The following STRN3 variants were observed in gnomAD, a reference collection of about 807,000 sequenced individuals.
STRN3 encodes the protein striatin-3.
In STRN3, 29 loss-of-function variants were observed where a neutral mutation model predicts 95.6. The ratio of observed to expected loss-of-function variants is 0.30; its 90% CI spans 0.23 to 0.41. The LOEUF is 0.41. Ranked by LOEUF, STRN3 falls within the 10% of genes least tolerant of loss-of-function variation. The pLI, the probability that STRN3 is intolerant of heterozygous loss-of-function variation, is 1.00. For missense variants in STRN3, 890 were observed against 972.1 expected, an observed-to-expected ratio of 0.92 and a Z score of 1.12; for synonymous variants, 331 against 357.6, an observed-to-expected ratio of 0.93 and a Z score of 0.84.
In STRN3 at chr14:30,906,967, G is replaced by C. The variant is rs763509542; in HGVS notation, c.1798C>G (p.Gln600Glu). 4 of 1,613,688 alleles carry C rather than the reference G, an allele frequency of 2.5e-6. No homozygotes were observed. The highest frequency in any genetic ancestry group is 1.3e-5 in the African/African-American group (1 of 74,888). Residue 600 changes from glutamine to glutamate, a missense_variant, in exon 14 of 18, where the codon CAA (glutamine) becomes GAA (glutamate). Gln to Glu is a conservative substitution (Grantham distance 29, BLOSUM62 2). This residue lies in a region of STRN3 where 357 missense variants were observed against 422.8 expected (regional missense o/e 0.84). Transcript: ENST00000357479. ...CCATCTGCTGAACAAGACAGTAATT[G>C]ATTTTTTATGCCACTATAAGCAAGA... The part of the protein sequence containing the change: ...WGLAYSGIKN[Q>E]LLSCSADGTV...
At chr14:30,984,281 A>G (rs1272596123) in intron 1 of STRN3, among the ~76,000 whole-genome samples, 1 of 149,920 alleles carries the variant, frequency 6.7e-6, no homozygotes, top group East Asian at 1.9e-4. Flanking sequence ...AAAAAAAAAA[A>G]AAAAAAAAAA....
intron 1 of STRN3, among the ~76,000 whole-genome samples, chr14:30,971,324 G>A (rs1028492920): frequency 1.3e-5 from 2 of 152,182 alleles, no homozygotes; most frequent in African/African-American, 4.8e-5. Flanking sequence ...CGTAAAGTGA[G>A]AGAAGCCCCT....
intron 15 of STRN3, 143 bp downstream of exon 15, chr14:30,905,275 A>G (rs947354699): frequency 1.3e-5 from 12 of 902,272 alleles, no homozygotes; most frequent in East Asian, 3.2e-5. Context: ...CATAATATAA[A>G]TAAGTATAAC....
intron 1 of STRN3, among the ~76,000 whole-genome samples, chr14:30,960,319 C>T (rs187142233): frequency 1.3e-5 from 2 of 152,100 alleles, no homozygotes; most frequent in African/African-American, 4.8e-5. Flanking sequence ...ACCCGGGCAA[C>T]AGAGTTTCAA....
rs775083165 is a variant in STRN3 at position 30,911,073 on chromosome 14, G to A, written c.1688C>T (p.Pro563Leu). ...ATCATATGGATCTACACTGGGACTC[G>A]GCATATTCCACCACTGGATGGTTGC... ...IDATIQWWNM[P>L]SPSVDPYDTY... The change falls in exon 13 of 18, where the codon CCG (proline) becomes CTG (leucine). Residue 563 changes from proline to leucine, a missense_variant. Physicochemically the swap from Pro to Leu is moderately conservative, Grantham distance 98. Around this residue, in one of 3 missense-constraint regions of STRN3, gnomAD observed 357 missense variants for 422.8 expected, o/e 0.84. Coordinates refer to ENST00000357479, the MANE Select transcript of STRN3 (RefSeq NM_001083893.2). 18 of 1,613,752 alleles carry A rather than the reference G, an allele frequency of 1.1e-5. No individual in the cohort carries two copies. Among genetic ancestry groups the A allele is most frequent in the African/African-American group, 4.0e-5 (3 of 74,812 alleles).
chr14:30,982,617 A>T (rs1881468579), intron 1 of STRN3, among the ~76,000 whole-genome samples: 1 of 152,120 alleles, frequency 6.6e-6, no homozygotes, highest in Non-Finnish European at 1.5e-5. Flanking sequence ...GCCAATAGAT[A>T]ATTTTTAACT....
At chr14:30,970,158 C>T (rs537602160) in intron 1 of STRN3, among the ~76,000 whole-genome samples, 1 of 152,314 alleles carries the variant, frequency 6.6e-6, no homozygotes, top group African/African-American at 2.4e-5. Context: ...GCATTTAATG[C>T]TTGCCCTGTT....
intron 1 of STRN3, among the ~76,000 whole-genome samples, chr14:30,977,436 G>C (rs1881159923): frequency 6.6e-6 from 1 of 151,816 alleles, no homozygotes. Flanking sequence ...TAGCAAAAAA[G>C]GGGGAAAGAT....
At chr14:30,983,893 A>C (rs945525583) in intron 1 of STRN3, among the ~76,000 whole-genome samples, 56 of 152,308 alleles carry the variant, frequency 3.7e-4, no homozygotes, top group African/African-American at 1.3e-3. Flanking sequence ...TAAATGAAGA[A>C]AATAATAATA....
At chr14:30,975,034 A>G (rs4981813) in intron 1 of STRN3, among the ~76,000 whole-genome samples, 145,614 of 145,772 alleles carry the variant, frequency 1, 72,730 homozygotes, top group Middle Eastern at 1. Flanking sequence ...TGTGAAAGGT[A>G]ACTTCATTCA....
intron 1 of STRN3, among the ~76,000 whole-genome samples, chr14:31,020,493 G>A (rs532163910): frequency 8.2e-4 from 122 of 148,902 alleles, no homozygotes; most frequent in Middle Eastern, 6.8e-3. Context: ...AGCGAAAACT[G>A]TCTCTAAAAA....
intron 1 of STRN3, among the ~76,000 whole-genome samples, chr14:31,007,820 A>C (rs147778901): frequency 9.5e-4 from 144 of 152,246 alleles, no homozygotes; most frequent in Non-Finnish European, 1.5e-3. Flanking sequence ...TGAGCCTAGG[A>C]GTTCAAAGTT....
At chr14:30,971,520 G>C (rs1472240290) in intron 1 of STRN3, among the ~76,000 whole-genome samples, 1 of 152,156 alleles carries the variant, frequency 6.6e-6, no homozygotes, top group Non-Finnish European at 1.5e-5. Context: ...CTACACTAGA[G>C]ATGCTGTTAA....
At chr14:30,975,740 A>T (rs988547563) in intron 1 of STRN3, among the ~76,000 whole-genome samples, 1 of 150,812 alleles carries the variant, frequency 6.6e-6, no homozygotes, top group African/African-American at 2.4e-5. Context: ...AGCTGATGTG[A>T]GAGGACCACT....
intron 1 of STRN3, among the ~76,000 whole-genome samples, chr14:30,979,502 T>C (rs999336206): frequency 2.1e-4 from 32 of 152,356 alleles, no homozygotes; most frequent in African/African-American, 7.7e-4. Flanking sequence ...TTTCAGTTGA[T>C]AATTTAGGGT....
chr14:30,926,035 A>G (rs1897019540), intron 8 of STRN3, among the ~76,000 whole-genome samples: 1 of 152,132 alleles, frequency 6.6e-6, no homozygotes. Context: ...CAGAAAAAAA[A>G]AGAAAGTTTT....
At position 30,964,287 on chromosome 14, in the gene STRN3, T is replaced by A. The variant is rs1166913195; in HGVS notation, c.283-8045A>T. 2.6e-5 allele frequency: 4 copies of A among 152,330 alleles called. No homozygotes were observed. In the South Asian group the frequency reaches 6.2e-4, roughly 24 times the overall value. 9.4% of individuals were successfully genotyped at this position (152,330 alleles called of 1,614,324 possible). ...GAAGATAGGGCATGGGAGCTGGGAT[T>A]TGAAGCCAGTTGGATCATGAGGGTT... On this transcript the variant is annotated intron_variant, in intron 1 of 17. Coordinates refer to ENST00000357479, the MANE Select transcript of STRN3 (RefSeq NM_001083893.2).
rs200756761 is a variant in STRN3, at chr14:30,929,224, C to T, written c.1076G>A (p.Arg359Gln). ...SKLKEQYKKERKGKKGVKRAN... is the reference protein window; with the variant it reads ...SKLKEQYKKEQKGKKGVKRAN... ...ACTCTTCACCCCTTTCTTCCCCTTT[C>T]GTTCCTTCTTGTACTGTTCCTTCAG... is the stretch of plus-strand genomic sequence containing the variant. The change falls in exon 8 of 18, where the codon CGA becomes CAA. Residue 359 changes from arginine (R) to glutamine (Q), a missense_variant. Transcript: ENST00000357479. 2.7e-5 allele frequency: 44 copies of T among 1,609,828 alleles called. No homozygotes were observed. The highest frequency in any genetic ancestry group is 1.0e-4 in the Admixed American group (6 of 59,322).
At chr14:30,950,798 T>C in intron 4 of STRN3, 65 bp downstream of exon 4, 1 of 1,423,554 alleles carries the variant, frequency 7.0e-7, no homozygotes, top group Non-Finnish European at 9.8e-7. Flanking sequence ...ACTTGTAAAG[T>C]GATTCAGTAT....
Sources: gnomAD v4.1 joint callset for allele counts (sites outside exome capture counted in the v4.1 genomes callset) on GRCh38, gnomAD v4.1.1 for gene constraint, gnomAD v4.1.1 regional missense constraint, MANE v1.5 for transcripts, NCBI Gene and HGNC (gene_info 2026-07-23, HGNC 2026-07-21) for gene names.